FAT4: variants seen among roughly 807,000 people sequenced by gnomAD.
FAT4 encodes the protein protocadherin Fat 4.
In FAT4, 84 loss-of-function variants were observed where a neutral mutation model predicts 303.9. That is an observed-to-expected ratio of 0.28 (90% confidence interval 0.23 to 0.33). The LOEUF (loss-of-function observed/expected upper bound fraction) is 0.33. FAT4 is among the 10% of genes least tolerant of loss of function. The pLI is 1.00. For synonymous variants in FAT4, 2,307 were observed against 2,298.8 expected, an observed-to-expected ratio of 1.00 and a Z score of -0.10; for missense variants, 6,005 against 6,146.8, an observed-to-expected ratio of 0.98 and a Z score of 0.77.
Position 125,451,145 on chromosome 4 carries a change from A to G in FAT4, c.10135A>G (p.Asn3379Asp). The change falls in exon 10 of 18, where the codon AAC becomes GAC. Residue 3379 changes from asparagine to aspartate, a missense_variant. Coordinates refer to ENST00000394329, the MANE Select transcript of FAT4 (RefSeq NM_001291303.3). The part of the protein sequence containing the change: ...ERVSLKVLAK[N>D]FGSIRGADID... ...GGTGTCTTTGAAGGTATTGGCCAAG[A>G]ACTTTGGCAGCATTAGAGGTGCAGA... 2 of 1,614,156 alleles carry G rather than the reference A, an allele frequency of 1.2e-6. No individual in the cohort carries two copies. The highest frequency in any genetic ancestry group is 8.5e-7 in the Non-Finnish European group (1 of 1,180,014).
intron 2 of FAT4, among the ~76,000 whole-genome samples, chr4:125,355,159 G>A (rs932722134): frequency 2.6e-5 from 4 of 151,706 alleles, no homozygotes; most frequent in Non-Finnish European, 4.4e-5. Flanking sequence ...ATTGACACCG[G>A]ATAGAAAATT....
intron 2 of FAT4, among the ~76,000 whole-genome samples, chr4:125,384,456 T>A (rs1390350157): frequency 6.6e-6 from 1 of 152,216 alleles, no homozygotes; most frequent in East Asian, 1.9e-4. Context: ...TTCTTACATT[T>A]TCTTTGGAGG....
intron 12 of FAT4, among the ~76,000 whole-genome samples, chr4:125,474,834 C>A (rs1370861328): frequency 6.6e-6 from 1 of 151,896 alleles, no homozygotes; most frequent in Admixed American, 6.6e-5. Context: ...ATGAAAGTGG[C>A]CTGATTTTTT....
chr4:125,389,851 T>A (rs28623622), intron 2 of FAT4, among the ~76,000 whole-genome samples: 284 of 152,324 alleles, frequency 1.9e-3, no homozygotes, highest in African/African-American at 6.5e-3. Context: ...ACCTACATAG[T>A]CCAAACATTA....
chr4:125,463,116 TAGAA>T (rs1726536785), intron 10 of FAT4, among the ~76,000 whole-genome samples: 2 of 152,152 alleles, frequency 1.3e-5, no homozygotes, highest in South Asian at 2.1e-4. Flanking sequence ...TTCTTAGTAG[TAGAA>T]AGAGTGTAGT....
rs377592148 is a variant in FAT4, at chr4:125,317,418, G to C, written c.1007G>C (p.Arg336Pro). ...AGAGGCGTGCCTTCCCTCACTGGGCGCGCCGAGGCGCTGATTCAGCTGCTG... is the reference window on the plus strand; with the variant it reads ...AGAGGCGTGCCTTCCCTCACTGGGCCCGCCGAGGCGCTGATTCAGCTGCTG... ...MDRGVPSLTG[R>P]AEALIQLLDV... The change falls in exon 2 of 18, where the codon CGC becomes CCC. Residue 336 changes from arginine (R) to proline (P), a missense_variant. Coordinates refer to ENST00000394329, the MANE Select transcript of FAT4 (RefSeq NM_001291303.3). This position sits in a 1 kb window ranked among gnomAD's most constrained non-coding sequence, Gnocchi z 7.0. The C allele has an allele frequency of 6.2e-7, 1 of 1,613,576 alleles. No homozygotes were observed. The highest frequency in any genetic ancestry group is 1.1e-5 in the South Asian group (1 of 91,086).
chr4:125,330,526 A>G (rs1731341287), intron 2 of FAT4, among the ~76,000 whole-genome samples: 1 of 152,186 alleles, frequency 6.6e-6, no homozygotes, highest in Non-Finnish European at 1.5e-5. Flanking sequence ...GGTGTGAGTG[A>G]TATAATTTAT....
intron 15 of FAT4, 87 bp from the exon 16 acceptor site, chr4:125,481,434 C>T: frequency 1.8e-6 from 2 of 1,129,506 alleles, no homozygotes; most frequent in Non-Finnish European, 2.6e-6. Flanking sequence ...TTTTCATTGT[C>T]CTTTTTATAT....
Position 125,317,436 on chromosome 4 carries a change from A to C in FAT4, c.1025A>C (p.Gln342Pro), listed in dbSNP as rs1431005991. 1.5e-5 allele frequency: 24 copies of C among 1,613,492 alleles called. No individual in the cohort carries two copies. Among genetic ancestry groups the C allele is most frequent in the African/African-American group, 2.7e-5 (2 of 74,952 alleles). The change falls in exon 2 of 18, where the codon CAG (glutamine) becomes CCG (proline). Residue 342 changes from glutamine (Q) to proline (P), a missense_variant. By Grantham distance (76) the Gln-to-Pro change is moderately conservative. Coordinates refer to ENST00000394329, the MANE Select transcript of FAT4 (RefSeq NM_001291303.3). This position sits in a 1 kb window ranked among gnomAD's most constrained non-coding sequence, Gnocchi z 7.0. Reference protein sequence around the residue: ...SLTGRAEALIQLLDVNDNDPV... With the variant: ...SLTGRAEALIPLLDVNDNDPV... ...ACTGGGCGCGCCGAGGCGCTGATTC[A>C]GCTGCTGGACGTGAATGACAATGAC...
At chr4:125,464,872 C>T (rs1208126795) in intron 11 of FAT4, among the ~76,000 whole-genome samples, 1 of 152,142 alleles carries the variant, frequency 6.6e-6, no homozygotes, top group African/African-American at 2.4e-5. Flanking sequence ...TTCTAGTCTT[C>T]CTTTGGGCAT....
intron 5 of FAT4, among the ~76,000 whole-genome samples, chr4:125,409,115 T>G (rs1309588910): frequency 6.6e-6 from 1 of 152,070 alleles, no homozygotes; most frequent in Non-Finnish European, 1.5e-5. Flanking sequence ...TTTTGTTAGA[T>G]AAATAAAAAT....
At chr4:125,396,857 G>T (rs1379481721) in intron 2 of FAT4, among the ~76,000 whole-genome samples, 3 of 150,650 alleles carry the variant, frequency 2.0e-5, no homozygotes, top group Non-Finnish European at 4.4e-5. Flanking sequence ...AAATTTACGT[G>T]TATAAAGTGA....
intron 12 of FAT4, 95 bp from the exon 13 acceptor site, chr4:125,476,076 G>A (rs752956437): frequency 8.8e-5 from 53 of 600,576 alleles, no homozygotes; most frequent in Non-Finnish European, 1.5e-4. Flanking sequence ...TCTAAGTCAT[G>A]TTCACATAGA....
intron 2 of FAT4, among the ~76,000 whole-genome samples, chr4:125,371,336 C>T (rs898756934): frequency 6.6e-6 from 1 of 151,482 alleles, no homozygotes; most frequent in Non-Finnish European, 1.5e-5. Context: ...ATTAGTTATA[C>T]AAATAATATT....
chr4:125,358,330 C>G (rs1278127683), intron 2 of FAT4, among the ~76,000 whole-genome samples: 1 of 152,002 alleles, frequency 6.6e-6, no homozygotes, highest in Non-Finnish European at 1.5e-5. Flanking sequence ...GATTCAAGTG[C>G]ATTACATTTA....
intron 2 of FAT4, among the ~76,000 whole-genome samples, chr4:125,354,236 C>T (rs1266376441): frequency 2.0e-5 from 3 of 151,474 alleles, no homozygotes; most frequent in Non-Finnish European, 4.4e-5. Flanking sequence ...CTAGTCAGAT[C>T]GCTGGTGTTA....
At chr4:125,455,464 A>G (rs894331046) in intron 10 of FAT4, among the ~76,000 whole-genome samples, 2 of 152,194 alleles carry the variant, frequency 1.3e-5, no homozygotes, top group Non-Finnish European at 2.9e-5. Context: ...TATGTAAAGC[A>G]CTTTTTAAAT....
chr4:125,440,425 A>T (rs1725612996), intron 8 of FAT4, among the ~76,000 whole-genome samples: 1 of 151,914 alleles, frequency 6.6e-6, no homozygotes, highest in South Asian at 2.1e-4. Context: ...AGGCCAGGCC[A>T]TCTTTTCTTT....
At chr4:125,472,946 A>G (rs1726913304) in intron 12 of FAT4, among the ~76,000 whole-genome samples, 2 of 152,134 alleles carry the variant, frequency 1.3e-5, no homozygotes. Context: ...GTTTTTATCA[A>G]TCATTTTAGT....
Sources: allele counts gnomAD v4.1 joint callset (sites outside exome capture counted in the v4.1 genomes callset), GRCh38; gene constraint gnomAD v4.1.1; non-coding constraint Gnocchi (gnomAD v3.1); transcripts MANE v1.5; gene names NCBI Gene and HGNC (gene_info 2026-07-23, HGNC 2026-07-21).